The following ANKH variants were observed in gnomAD, a reference collection of about 807,000 sequenced individuals.
ANKH encodes the protein mineralization regulator ANKH.
ANKH carries 15 observed loss-of-function variants against 49.0 expected under a neutral mutation model. The ratio of observed to expected loss-of-function variants is 0.31; its 90% CI spans 0.20 to 0.47. The LOEUF (loss-of-function observed/expected upper bound fraction) is 0.47, where lower values mean the gene tolerates loss of function less well. Ranked by LOEUF, ANKH falls within the 20% of genes least tolerant of loss-of-function variation. The probability of loss-of-function intolerance (pLI) is 1.00; values close to 1 mark genes in which losing one functional copy is unlikely to be tolerated. For synonymous variants in ANKH, 273 were observed against 260.0 expected, an observed-to-expected ratio of 1.05 and a Z score of -0.48; for missense variants, 429 against 652.0, an observed-to-expected ratio of 0.66 and a Z score of 3.72.
chr5:14,754,364 A>C (rs1341782867), intron 4 of ANKH, among the ~76,000 whole-genome samples: 1 of 150,986 alleles, frequency 6.6e-6, no homozygotes, highest in African/African-American at 2.4e-5. Flanking sequence ...TTAAAAAAAC[A>C]CACATCTACA....
chr5:14,730,555 C>T (rs1737963163), intron 8 of ANKH, among the ~76,000 whole-genome samples: 1 of 152,136 alleles, frequency 6.6e-6, no homozygotes, highest in South Asian at 2.1e-4. Flanking sequence ...GCAAAACGTG[C>T]ATCCATGCCT....
chr5:14,846,054 A>G (rs191992177), intron 1 of ANKH, among the ~76,000 whole-genome samples: 3,725 of 151,630 alleles, frequency 0.025, 63 homozygotes, highest in Middle Eastern at 0.068. Flanking sequence ...ACAGGGTTTC[A>G]CCGTGTTGGC....
chr5:14,752,929 T>C (rs1179318335), intron 4 of ANKH, among the ~76,000 whole-genome samples: 4 of 152,272 alleles, frequency 2.6e-5, no homozygotes, highest in African/African-American at 9.6e-5. Flanking sequence ...GTGATAGAAC[T>C]GTAGCTAAAG....
intron 1 of ANKH, among the ~76,000 whole-genome samples, chr5:14,851,126 ACT>A (rs1410841861): frequency 6.6e-6 from 1 of 152,032 alleles, no homozygotes; most frequent in Admixed American, 6.6e-5. Flanking sequence ...AGGAAGCCTC[ACT>A]CTCTGTTCCA....
intron 8 of ANKH, among the ~76,000 whole-genome samples, chr5:14,739,849 A>C (rs751391542): frequency 1.3e-5 from 2 of 152,180 alleles, no homozygotes; most frequent in African/African-American, 2.4e-5. Context: ...CTGAATCTCT[A>C]TTTCTAGAAG....
chr5:14,762,098 G>A (rs1267769773), intron 2 of ANKH, among the ~76,000 whole-genome samples: 3 of 152,116 alleles, frequency 2.0e-5, no homozygotes, highest in Non-Finnish European at 1.5e-5. Flanking sequence ...TGTAACAAAG[G>A]CCGAAAGGAG....
intron 8 of ANKH, among the ~76,000 whole-genome samples, chr5:14,738,463 G>A (rs1738253067): frequency 6.6e-6 from 1 of 152,180 alleles, no homozygotes; most frequent in African/African-American, 2.4e-5. Context: ...AGCGGAGTGT[G>A]GGAAAGCGTG....
intron 1 of ANKH, among the ~76,000 whole-genome samples, chr5:14,845,843 C>CT (rs59264153): frequency 0.26 from 21,213 of 82,094 alleles, 5,725 homozygotes; most frequent in Non-Finnish European, 0.28. Flanking sequence ...CCTATGCACA[C>CT]TTTTTTTTTT....
intron 1 of ANKH, among the ~76,000 whole-genome samples, chr5:14,843,427 C>T (rs911014101): frequency 2.6e-5 from 4 of 151,692 alleles, no homozygotes; most frequent in Non-Finnish European, 4.4e-5. Flanking sequence ...CTGCCTGCCT[C>T]GGCCTCCCAA....
intron 2 of ANKH, among the ~76,000 whole-genome samples, chr5:14,767,481 T>C (rs1739293583): frequency 6.6e-6 from 1 of 152,208 alleles, no homozygotes; most frequent in Non-Finnish European, 1.5e-5. Context: ...CAGAAAACCA[T>C]TTTGGTTTAA....
chr5:14,753,186 C>T (rs138409745), intron 4 of ANKH, among the ~76,000 whole-genome samples: 113 of 151,908 alleles, frequency 7.4e-4, no homozygotes, highest in African/African-American at 2.4e-3. Flanking sequence ...TGGAAGGTGA[C>T]GAATTTGGTT....
chr5:14,853,107 C>A (rs745624850), intron 1 of ANKH, among the ~76,000 whole-genome samples: 5 of 152,180 alleles, frequency 3.3e-5, no homozygotes, highest in Non-Finnish European at 7.3e-5. Context: ...CAACCTCCCC[C>A]CAAACTACCA....
intron 1 of ANKH, among the ~76,000 whole-genome samples, chr5:14,832,382 A>T (rs914933652): frequency 2.0e-5 from 3 of 152,202 alleles, no homozygotes; most frequent in African/African-American, 7.2e-5. Flanking sequence ...AAATAGCTGC[A>T]GTGAGGGTTA....
intron 1 of ANKH, among the ~76,000 whole-genome samples, chr5:14,772,354 G>A (rs904289335): frequency 3.3e-5 from 5 of 152,168 alleles, no homozygotes; most frequent in African/African-American, 1.2e-4. Flanking sequence ...ATAATTTTTA[G>A]AAAAATCTAG....
rs1561034889 is a variant in ANKH at position 14,745,398 on chromosome 5, A to G, written c.915+472T>C. Among the ~76,000 whole-genome samples, 2 of 152,142 alleles carry G rather than the reference A, an allele frequency of 1.3e-5. No homozygotes were observed. Among genetic ancestry groups the G allele is most frequent in the African/African-American group, 4.8e-5 (2 of 41,436 alleles). ...CTTTCCACTGGAATACGTCTGCAAT[A>G]TCAAAACACTGGACCCAGGTCTTGC... is the stretch of plus-strand genomic sequence containing the variant. On this transcript the variant is annotated intron_variant, in intron 7 of 11. Transcript: ENST00000284268. The surrounding 1 kb of genome is among the most constrained non-coding windows in gnomAD (Gnocchi z 4.7).
chr5:14,864,554 CT>C (rs1328016333), intron 1 of ANKH, among the ~76,000 whole-genome samples: 3 of 152,264 alleles, frequency 2.0e-5, no homozygotes, highest in Middle Eastern at 3.4e-3. Context: ...TAAATATGGA[CT>C]GTAAGAAAGG....
chr5:14,831,536 G>T (rs1017256243), intron 1 of ANKH, among the ~76,000 whole-genome samples: 4 of 152,062 alleles, frequency 2.6e-5, no homozygotes, highest in Admixed American at 6.5e-5. Flanking sequence ...GACGACGGGG[G>T]GCCTTTACTG....
chr5:14,775,311 G>T (rs1001378297), intron 1 of ANKH, among the ~76,000 whole-genome samples: 3 of 152,130 alleles, frequency 2.0e-5, no homozygotes, highest in Admixed American at 2.0e-4. Context: ...GGGCTCAAGT[G>T]ATCCTTCTGC....
chr5:14,842,106 G>A (rs542520656), intron 1 of ANKH, among the ~76,000 whole-genome samples: 4 of 152,312 alleles, frequency 2.6e-5, no homozygotes, highest in African/African-American at 9.6e-5. Flanking sequence ...ACAATTCCTA[G>A]GAAAGAGATA....
Sources: gnomAD v4.1 joint callset for allele counts (sites outside exome capture counted in the v4.1 genomes callset) on GRCh38, gnomAD v4.1.1 for gene constraint, Gnocchi (gnomAD v3.1) non-coding constraint, MANE v1.5 for transcripts, NCBI Gene and HGNC (gene_info 2026-07-23, HGNC 2026-07-21) for gene names.